Variants in BIK observed in about 807,000 individuals in gnomAD.
BIK encodes the protein bcl-2-interacting killer.
BIK carries 14 observed loss-of-function variants against 12.1 expected under a neutral mutation model. The observed-to-expected ratio is 1.16, with a 90% CI of 0.77 to 1.81. The LOEUF (loss-of-function observed/expected upper bound fraction) is 1.81. Among genes scored for constraint, BIK ranks in the 40% most tolerant of loss-of-function variants. BIK has a pLI of 0.00. For synonymous variants in BIK, 86 were observed against 92.3 expected, an observed-to-expected ratio of 0.93 and a Z score of 0.39; for missense variants, 215 against 207.9, an observed-to-expected ratio of 1.03 and a Z score of -0.21.
intron 2 of BIK, among the ~76,000 whole-genome samples, chr22:43,126,226 C>G (rs924482384): frequency 6.7e-6 from 1 of 149,954 alleles, no homozygotes; most frequent in African/African-American, 2.5e-5. Flanking sequence ...CGCTGTGTCG[C>G]CCAGGCTGGA....
rs745562080 is a variant in BIK, at chr22:43,124,121, T to C, written c.99T>C (p.Thr33=). The C allele has an allele frequency of 3.0e-5, 48 of 1,614,072 alleles. No individual in the cohort carries two copies. In the Middle Eastern group the frequency reaches 2.1e-3, roughly 72 times the overall value. The stretch of plus-strand genomic sequence containing the variant: ...CGACCATGGAGGTTCTTGGCATGAC[T>C]GACTCTGAAGAGGACCTGGACCCTA... ...EPPTMEVLGM[T]DSEEDLDPME... Residue 33 remains threonine (T), a synonymous_variant, in exon 2 of 5, where the codon ACT becomes ACC. Coordinates refer to ENST00000216115, the MANE Select transcript of BIK (RefSeq NM_001197.5).
intron 3 of BIK, among the ~76,000 whole-genome samples, chr22:43,128,268 C>T (rs558421447): frequency 2.0e-5 from 3 of 152,220 alleles, no homozygotes; most frequent in East Asian, 1.9e-4. Flanking sequence ...GGCTGGCGGG[C>T]GGCTGGCTGG....
At chr22:43,120,443 C>T (rs886996487) in intron 1 of BIK, among the ~76,000 whole-genome samples, 4 of 152,238 alleles carry the variant, frequency 2.6e-5, no homozygotes, top group African/African-American at 7.2e-5. Flanking sequence ...CTGCCTCCAC[C>T]TCTCAAAGTG....
chr22:43,111,421 G>A (rs947968672), intron 1 of BIK, among the ~76,000 whole-genome samples: 18 of 152,336 alleles, frequency 1.2e-4, no homozygotes, highest in African/African-American at 3.8e-4. Context: ...CCCTGCACAG[G>A]TGCGCCCCAG....
intron 1 of BIK, among the ~76,000 whole-genome samples, chr22:43,121,777 C>T (rs994109367): frequency 2.0e-5 from 3 of 152,202 alleles, no homozygotes; most frequent in South Asian, 2.1e-4. Context: ...ACACTGCTGG[C>T]CGTCTATACA....
At chr22:43,113,359 G>A (rs1413781637) in intron 1 of BIK, among the ~76,000 whole-genome samples, 3 of 152,130 alleles carry the variant, frequency 2.0e-5, no homozygotes, top group Admixed American at 6.6e-5. Flanking sequence ...CCAGGCTGGA[G>A]TGCAATGGCT....
At position 43,127,752 on chromosome 22, in the gene BIK, AGGGCCCCGCGCCTGG is replaced by A; in HGVS notation, c.218_232del (p.Arg73_Ala78delinsThr). The A allele has an allele frequency of 6.4e-7, 1 of 1,552,744 alleles. No homozygotes were observed. Among genetic ancestry groups the A allele is most frequent in the Non-Finnish European group, 8.7e-7 (1 of 1,148,820 alleles). On this transcript the variant is annotated inframe_deletion, in exon 3 of 5. Transcript: ENST00000216115. ...CGGGGACGAGATGGACGTGAGCCTC[AGGGCCCCGCGCCTGG>A]CCCAGCTCTCCGAGGTGGCCATGCA...
chr22:43,119,204 A>G, intron 1 of BIK, among the ~76,000 whole-genome samples: 1 of 151,770 alleles, frequency 6.6e-6, no homozygotes, highest in Non-Finnish European at 1.5e-5. Flanking sequence ...GTAGGAGGCT[A>G]AGTGCGGGCT....
intron 1 of BIK, among the ~76,000 whole-genome samples, chr22:43,111,049 G>C (rs1016713850): frequency 6.6e-5 from 10 of 152,122 alleles, no homozygotes; most frequent in African/African-American, 2.4e-4. Flanking sequence ...GCGGGCCTCA[G>C]TCTCCGCGCC....
In BIK at chr22:43,113,775, G is replaced by C. The variant is rs115462845; in HGVS notation, c.-8+2972G>C. ...TTTTAGTGAACCTATTAAATGTGTA[G>C]ACAATTAATGGCTTTTTGCTTCCCC... is the stretch of plus-strand genomic sequence containing the variant. On this transcript the variant is annotated intron_variant, in intron 1 of 4. Coordinates refer to ENST00000216115, the MANE Select transcript of BIK (RefSeq NM_001197.5). Among the ~76,000 whole-genome samples the C allele has an allele frequency of 2.5e-3, 386 of 152,286 alleles. 1 individual carries two copies. Among genetic ancestry groups the C allele is most frequent in the African/African-American group, 8.1e-3 (338 of 41,574 alleles).
At chr22:43,116,816 G>A (rs1032653190) in intron 1 of BIK, among the ~76,000 whole-genome samples, 2 of 152,194 alleles carry the variant, frequency 1.3e-5, no homozygotes, top group Non-Finnish European at 2.9e-5. Context: ...GCGTGCACCT[G>A]TAGTCCCAGG....
chr22:43,124,566 G>T (rs1254966771), intron 2 of BIK, among the ~76,000 whole-genome samples: 2 of 152,214 alleles, frequency 1.3e-5, no homozygotes, highest in Non-Finnish European at 2.9e-5. Flanking sequence ...ACCCGATCCA[G>T]ATCCCAAGAG....
intron 1 of BIK, among the ~76,000 whole-genome samples, chr22:43,112,229 G>A (rs1403637117): frequency 2.6e-5 from 4 of 152,090 alleles, no homozygotes; most frequent in Admixed American, 6.5e-5. Context: ...ACAGAGCTTC[G>A]CTCTTGTTGC....
At chr22:43,117,828 C>G (rs1371773672) in intron 1 of BIK, among the ~76,000 whole-genome samples, 1 of 151,860 alleles carries the variant, frequency 6.6e-6, no homozygotes, top group Non-Finnish European at 1.5e-5. Flanking sequence ...CACCACCACA[C>G]CTGGCTAATT....
chr22:43,116,697 T>G (rs1354674094), intron 1 of BIK, among the ~76,000 whole-genome samples: 1 of 152,134 alleles, frequency 6.6e-6, no homozygotes, highest in African/African-American at 2.4e-5. Context: ...GACCTCGTGA[T>G]CCGCCCGCCT....
chr22:43,127,330 CCACCAGA>C (rs1930336376), intron 2 of BIK, among the ~76,000 whole-genome samples: 1 of 152,090 alleles, frequency 6.6e-6, no homozygotes, highest in Non-Finnish European at 1.5e-5. Context: ...GGACTCAGCA[CCACCAGA>C]CCTGTCCATT....
chr22:43,111,824 G>A (rs1315723905), intron 1 of BIK, among the ~76,000 whole-genome samples: 2 of 152,100 alleles, frequency 1.3e-5, no homozygotes, highest in African/African-American at 4.8e-5. Context: ...CACTAGCGCC[G>A]GGAAGTTCTT....
At chr22:43,110,883 G>C (rs1285400947) in intron 1 of BIK, 80 bp downstream of exon 1, 3 of 152,040 alleles carry the variant, frequency 2.0e-5, no homozygotes, top group African/African-American at 7.2e-5. Context: ...CGCGGCCCGG[G>C]TGCCGAGCGG....
At chr22:43,125,387 T>C (rs958829690) in intron 2 of BIK, among the ~76,000 whole-genome samples, 8 of 151,398 alleles carry the variant, frequency 5.3e-5, no homozygotes, top group African/African-American at 1.9e-4. Flanking sequence ...CTGGTTCAAC[T>C]GCCTCTGACG....
Sources: gnomAD v4.1 joint callset for allele counts (sites outside exome capture counted in the v4.1 genomes callset) on GRCh38, gnomAD v4.1.1 for gene constraint, MANE v1.5 for transcripts, NCBI Gene and HGNC (gene_info 2026-07-23, HGNC 2026-07-21) for gene names.